The following BHMT2 variants were observed in gnomAD, a reference collection of about 807,000 sequenced individuals.
BHMT2 encodes the protein S-methylmethionine--homocysteine S-methyltransferase BHMT2.
A neutral mutation model predicts 39.0 loss-of-function variants in BHMT2; 28 were observed. The ratio of observed to expected loss-of-function variants is 0.72; its 90% CI spans 0.53 to 0.98. The LOEUF is 0.98. Ranked by LOEUF, BHMT2 falls within the 50% of genes least tolerant of loss-of-function variation. BHMT2 has a pLI of 0.00. For synonymous variants in BHMT2, 145 were observed against 160.6 expected (o/e 0.90, Z 0.74); for missense variants, 410 against 455.6 (o/e 0.90, Z 0.91).
chr5:79,075,687 T>C (rs1755658464), intron 1 of BHMT2, among the ~76,000 whole-genome samples: 1 of 152,120 alleles, frequency 6.6e-6, no homozygotes, highest in Non-Finnish European at 1.5e-5. Flanking sequence ...AAGGCATCTC[T>C]GAAAAGGTGA....
rs138961781 is a variant in BHMT2 at position 79,088,501 on chromosome 5, G to A, written c.1019G>A (p.Arg340Lys). The A allele has an allele frequency of 5.6e-6, 9 of 1,613,672 alleles. No individual in the cohort carries two copies. The highest frequency in any genetic ancestry group is 4.0e-5 in the African/African-American group (3 of 74,850). The change falls in exon 8 of 8, where the codon AGG becomes AAG. Residue 340 changes from arginine to lysine, a missense_variant. Transcript: ENST00000255192. ...TKPWIRARAR[R>K]EYWENLLPAS... is the part of the protein sequence containing the mutation. ...TATATATTGAAACACAGGGCTCGAA[G>A]GGAGTATTGGGAGAATCTGCTGCCA...
At chr5:79,075,862 G>A (rs1244906323) in intron 1 of BHMT2, among the ~76,000 whole-genome samples, 3 of 152,206 alleles carry the variant, frequency 2.0e-5, no homozygotes, top group Admixed American at 6.5e-5. Context: ...AACCCCTAGG[G>A]GGAGCATGCA....
In BHMT2 at chr5:79,088,724, C is replaced by T. The variant is rs1755958021; in HGVS notation, c.*150C>T. 5 of 610,988 alleles carry T rather than the reference C, an allele frequency of 8.2e-6. No homozygotes were observed. Among genetic ancestry groups the T allele is most frequent in the Non-Finnish European group, 1.2e-5 (4 of 339,472 alleles). The allele number at this position is 610,988 out of a possible 1,614,324, so 37.8% of individuals were successfully genotyped here. ...GTGCTGCAGCCCCTTCCCTTCCAGC[C>T]CACAAGTGTGTGCATATTGAGCTCC... On this transcript the variant is annotated 3_prime_UTR_variant, in exon 8 of 8. Coordinates refer to ENST00000255192, the MANE Select transcript of BHMT2 (RefSeq NM_017614.5).
intron 1 of BHMT2, among the ~76,000 whole-genome samples, chr5:79,074,940 CG>C (rs1561238944): frequency 2.0e-5 from 3 of 152,168 alleles, no homozygotes; most frequent in African/African-American, 7.2e-5. Flanking sequence ...AGAGTATGAA[CG>C]TGACTCTGAT....
At chr5:79,072,894 A>G (rs893418907) in intron 1 of BHMT2, among the ~76,000 whole-genome samples, 5 of 151,916 alleles carry the variant, frequency 3.3e-5, no homozygotes, top group Non-Finnish European at 7.4e-5. Flanking sequence ...GTGGGAGGTG[A>G]GAAGCTAACC....
chr5:79,071,509 G>A (rs1267857007), intron 1 of BHMT2, among the ~76,000 whole-genome samples: 1 of 152,222 alleles, frequency 6.6e-6, no homozygotes, highest in East Asian at 1.9e-4. Flanking sequence ...CTGCCAAACT[G>A]ATGGGGAGGA....
At chr5:79,073,117 C>A (rs910811787) in intron 1 of BHMT2, among the ~76,000 whole-genome samples, 1 of 152,106 alleles carries the variant, frequency 6.6e-6, no homozygotes, top group African/African-American at 2.4e-5. Context: ...GCACCTGCCA[C>A]CATGCCCAGT....
Position 79,077,468 on chromosome 5 carries a change from T to TC in BHMT2, c.34-11dup, listed in dbSNP as rs758126902. On this transcript the variant is annotated splice_polypyrimidine_tract_variant and intron_variant, in intron 1 of 7. Transcript: ENST00000255192. Reference sequence around the variant, plus strand: ...TAGAGCGGAGCTTAGGTGCTTTTTTTCTCTTCTTCAGGGGATTTTGGAGCG... The same window carrying TC: ...TAGAGCGGAGCTTAGGTGCTTTTTTTCCTCTTCTTCAGGGGATTTTGGAGCG... 3.1e-6 allele frequency: 5 copies of TC among 1,599,828 alleles called. No individual in the cohort carries two copies. In the South Asian group the frequency reaches 4.6e-5, roughly 15 times the overall value.
chr5:79,076,526 T>TTAAATAAG (rs1362080688), intron 1 of BHMT2, among the ~76,000 whole-genome samples: 1 of 152,150 alleles, frequency 6.6e-6, no homozygotes, highest in Non-Finnish European at 1.5e-5. Context: ...ATGGAACCTT[T>TTAAATAAG]TAAATAAGTT....
chr5:79,088,139 C>T (rs960257609), intron 7 of BHMT2, among the ~76,000 whole-genome samples: 1 of 152,078 alleles, frequency 6.6e-6, no homozygotes, highest in Non-Finnish European at 1.5e-5. Context: ...AAGATTGTGC[C>T]ACTGCACTCC....
In BHMT2 at chr5:79,080,757, CA is replaced by C; in HGVS notation, c.330del (p.Ile113SerfsTer24). The C allele has an allele frequency of 5.6e-6, 9 of 1,604,078 alleles. No homozygotes were observed. The highest frequency in any genetic ancestry group is 7.6e-6 in the Non-Finnish European group (9 of 1,176,820). ...GCTGGCAAAGGTGATGCTTTGGTAG[CA>C]GGGGGGATCTGCCAGACATCAATAT... ...EVAGKGDALVAGGICQTSIYK... is the reference protein window; with the variant it reads ...EVAGKGDALVXGGICQTSIYK... On this transcript the variant is annotated frameshift_variant, in exon 4 of 8. Transcript: ENST00000255192. LOFTEE classifies it high-confidence loss of function.
chr5:79,080,234 G>T (rs1163573690), intron 3 of BHMT2, among the ~76,000 whole-genome samples: 1 of 152,224 alleles, frequency 6.6e-6, no homozygotes, highest in African/African-American at 2.4e-5. Context: ...GACAACAGTA[G>T]TGCTTAAATT....
intron 1 of BHMT2, among the ~76,000 whole-genome samples, chr5:79,074,421 C>T (rs1482226040): frequency 6.6e-6 from 1 of 152,210 alleles, no homozygotes; most frequent in African/African-American, 2.4e-5. Flanking sequence ...GCTTTAATTT[C>T]TGGTTGCTTT....
intron 1 of BHMT2, among the ~76,000 whole-genome samples, chr5:79,070,301 G>A (rs1755537427): frequency 6.6e-6 from 1 of 152,182 alleles, no homozygotes. Context: ...GGCCTTGCGA[G>A]TCGCCGGCTG....
chr5:79,082,349 C>T (rs997060250), intron 4 of BHMT2: 2 of 155,500 alleles, frequency 1.3e-5, no homozygotes, highest in African/African-American at 4.8e-5. Context: ...TTATGGAGCA[C>T]TTATGAATAT....
At position 79,069,818 on chromosome 5, in the gene BHMT2, G is replaced by A; in HGVS notation, c.33+3G>A. ...CTGGACGCCCGGGGGCCAAGAAGGT[G>A]AGTTTCGTCCCCTCGATCCTCGCGG... On this transcript the variant is annotated splice_donor_region_variant and intron_variant, in intron 1 of 7. Transcript: ENST00000255192. 7.0e-7 allele frequency: 1 copy of A among 1,431,684 alleles called. No individual in the cohort carries two copies. The allele number at this position is 1,431,684 out of a possible 1,614,324, so 88.7% of individuals were successfully genotyped here. A position where few individuals can be genotyped will look rare whatever the true frequency, so the allele number is the denominator to read the frequency against.
In BHMT2 at chr5:79,083,647, C is replaced by G; in HGVS notation, c.801C>G (p.Ala267=). 3 of 1,613,920 alleles carry G rather than the reference C, an allele frequency of 1.9e-6. No individual in the cohort carries two copies. Among genetic ancestry groups the G allele is most frequent in the Non-Finnish European group, 2.5e-6 (3 of 1,179,932 alleles). ...ATTCAGGACTGGAGTCCAGAGTTGC[C>G]ACCAGATGGGATATTCAAAAATACG... ...EYPFGLESRV[A]TRWDIQKYAR... is the part of the protein sequence containing the mutation. Residue 267 remains alanine (A), a synonymous_variant, in exon 7 of 8, where the codon GCC becomes GCG. Coordinates refer to ENST00000255192, the MANE Select transcript of BHMT2 (RefSeq NM_017614.5).
intron 5 of BHMT2, 36 bp from the exon 6 acceptor site, chr5:79,083,156 T>G (rs778417937): frequency 1.2e-6 from 2 of 1,600,552 alleles, no homozygotes; most frequent in Non-Finnish European, 1.7e-6. Flanking sequence ...AATAAACAAA[T>G]AAATAATAAA....
rs1476206407 is a variant in BHMT2 at position 79,079,834 on chromosome 5, G to A, written c.258+374G>A. Among the ~76,000 whole-genome samples, 13 of 150,984 alleles carry A rather than the reference G, an allele frequency of 8.6e-5. No homozygotes were observed. In the East Asian group the frequency reaches 2.6e-3, roughly 30 times the overall value. ...TGGCTTCAACCTGGGAGATAGCATTGAGCCGAGATCACACCACTGCACTCC... is the reference window on the plus strand; with the variant it reads ...TGGCTTCAACCTGGGAGATAGCATTAAGCCGAGATCACACCACTGCACTCC... On this transcript the variant is annotated intron_variant, in intron 3 of 7. Coordinates refer to ENST00000255192, the MANE Select transcript of BHMT2 (RefSeq NM_017614.5).
Sources: allele counts gnomAD v4.1 joint callset (sites outside exome capture counted in the v4.1 genomes callset), GRCh38; gene constraint gnomAD v4.1.1; transcripts MANE v1.5; gene names NCBI Gene and HGNC (gene_info 2026-07-23, HGNC 2026-07-21).